Variants in SNTG1 observed in about 807,000 individuals in gnomAD.
The protein encoded by SNTG1 is syntrophin gamma 1.
Under a neutral mutation model 74.7 loss-of-function variants are expected in SNTG1, and 39 were observed. The observed-to-expected ratio is 0.52, with a 90% confidence interval of 0.40 to 0.68. The LOEUF is 0.68. Ranked by LOEUF, SNTG1 falls within the 30% of genes least tolerant of loss-of-function variation. SNTG1 has a pLI of 0.00. For missense variants in SNTG1, 685 were observed against 609.5 expected, an observed-to-expected ratio of 1.12 and a Z score of -1.30; for synonymous variants, 254 against 217.1, an observed-to-expected ratio of 1.17 and a Z score of -1.49.
chr8:49,912,516 T>C (rs982386760), intron 1 of SNTG1, among the ~76,000 whole-genome samples: 6 of 152,246 alleles, frequency 3.9e-5, no homozygotes, highest in African/African-American at 1.4e-4. Flanking sequence ...CCAAAACTAA[T>C]GCAATCGTTT....
chr8:50,678,163 CTA>C (rs1183933480), intron 15 of SNTG1, among the ~76,000 whole-genome samples: 2 of 151,002 alleles, frequency 1.3e-5, no homozygotes, highest in African/African-American at 4.9e-5. Context: ...GCTATTTGTG[CTA>C]TTTTTTTTTT....
chr8:50,169,032 C>T (rs62516682), intron 1 of SNTG1, among the ~76,000 whole-genome samples: 46,075 of 152,012 alleles, frequency 0.3, 7,109 homozygotes, highest in South Asian at 0.43. Flanking sequence ...TTAAATAATA[C>T]GCCAGGCAGA....
chr8:50,759,218 C>T lies in SNTG1; in HGVS notation c.1395+7107C>T, dbSNP rs561870282. Among the ~76,000 whole-genome samples the T allele has an allele frequency of 1.1e-4, 16 of 152,060 alleles. No individual in the cohort carries two copies. The East Asian group carries it at 1.9e-3, about 18-fold the overall frequency. On this transcript the variant is annotated intron_variant, in intron 18 of 18. Coordinates refer to ENST00000642720, the MANE Select transcript of SNTG1 (RefSeq NM_018967.5). ...TAGATTCTGGATATTAGTCCCTTGTCGGATGGATAGATTGCAAAAATTTTC... is the reference window on the plus strand; with the variant it reads ...TAGATTCTGGATATTAGTCCCTTGTTGGATGGATAGATTGCAAAAATTTTC...
At chr8:50,100,568 G>T (rs955074164) in intron 1 of SNTG1, among the ~76,000 whole-genome samples, 8 of 151,786 alleles carry the variant, frequency 5.3e-5, no homozygotes, top group Non-Finnish European at 1.0e-4. Context: ...AATTAAAAAA[G>T]GACATATTCC....
chr8:50,781,677 T>A (rs576276323), intron 18 of SNTG1, among the ~76,000 whole-genome samples: 4 of 152,334 alleles, frequency 2.6e-5, no homozygotes, highest in Admixed American at 1.3e-4. Flanking sequence ...GTCTGTGTCT[T>A]TTAATTGGAG....
At chr8:49,924,223 A>G (rs1806815290) in intron 1 of SNTG1, among the ~76,000 whole-genome samples, 1 of 152,226 alleles carries the variant, frequency 6.6e-6, no homozygotes, top group South Asian at 2.1e-4. Context: ...ATCTGAAAAT[A>G]CAGTATTTCA....
intron 12 of SNTG1, among the ~76,000 whole-genome samples, chr8:50,572,479 G>A (rs898049619): frequency 6.6e-6 from 1 of 152,042 alleles, no homozygotes; most frequent in Non-Finnish European, 1.5e-5. Flanking sequence ...CTTGTTATAG[G>A]AAAATAAAGT....
intron 1 of SNTG1, among the ~76,000 whole-genome samples, chr8:49,961,481 C>G (rs1431923122): frequency 6.6e-6 from 1 of 152,136 alleles, no homozygotes; most frequent in Non-Finnish European, 1.5e-5. Context: ...GCATCCTGAC[C>G]CACATTCTTC....
upstream of SNTG1, chr8:49,911,159 T>C (rs1805558793): frequency 6.6e-6 from 1 of 152,214 alleles, no homozygotes; most frequent in Non-Finnish European, 1.5e-5. Context: ...CTTCACTGGG[T>C]TTAATTTAGG....
chr8:50,730,705 G>A (rs1279498278), intron 17 of SNTG1, among the ~76,000 whole-genome samples: 1 of 152,096 alleles, frequency 6.6e-6, no homozygotes, highest in African/African-American at 2.4e-5. Flanking sequence ...AATTTTTAAT[G>A]AATACAGAAA....
At chr8:50,258,863 G>T (rs1038158540) in intron 2 of SNTG1, among the ~76,000 whole-genome samples, 9 of 151,920 alleles carry the variant, frequency 5.9e-5, no homozygotes, top group African/African-American at 2.2e-4. Context: ...AGAGGACAAA[G>T]AAAAAGGAGC....
At chr8:50,076,424 T>C (rs988353335) in intron 1 of SNTG1, among the ~76,000 whole-genome samples, 1 of 152,184 alleles carries the variant, frequency 6.6e-6, no homozygotes, top group Non-Finnish European at 1.5e-5. Context: ...ATGCAATGAA[T>C]TGGTCCAGAA....
chr8:50,307,908 G>C (rs958109438), intron 2 of SNTG1, among the ~76,000 whole-genome samples: 5 of 152,014 alleles, frequency 3.3e-5, no homozygotes, highest in African/African-American at 1.2e-4. Context: ...TGTTTTAAAA[G>C]GCACTGTCCC....
intron 17 of SNTG1, among the ~76,000 whole-genome samples, chr8:50,739,679 T>TA (rs200775615): frequency 0.023 from 3,486 of 151,758 alleles, 57 homozygotes; most frequent in Middle Eastern, 0.058. Flanking sequence ...TAAAGTATAA[T>TA]AAAAAAATAA....
At chr8:50,623,731 T>A (rs2094938390) in intron 13 of SNTG1, among the ~76,000 whole-genome samples, 1 of 152,036 alleles carries the variant, frequency 6.6e-6, no homozygotes, top group South Asian at 2.1e-4. Flanking sequence ...GTTTTTATTA[T>A]GAAAAGTTGA....
chr8:49,931,312 T>A (rs1807568302), intron 1 of SNTG1, among the ~76,000 whole-genome samples: 1 of 152,182 alleles, frequency 6.6e-6, no homozygotes, highest in Non-Finnish European at 1.5e-5. Flanking sequence ...GACTGTACCC[T>A]GAAGAAACCC....
At chr8:49,978,532 T>A (rs993711301) in intron 1 of SNTG1, among the ~76,000 whole-genome samples, 4 of 152,170 alleles carry the variant, frequency 2.6e-5, no homozygotes, top group Non-Finnish European at 5.9e-5. Context: ...GGCTCTGAAG[T>A]GTCTTTGTAC....
At chr8:49,941,677 C>G (rs1215717341) in intron 1 of SNTG1, among the ~76,000 whole-genome samples, 3 of 151,990 alleles carry the variant, frequency 2.0e-5, no homozygotes, top group Non-Finnish European at 4.4e-5. Flanking sequence ...TGAAGTCTGG[C>G]TGATGTTCCA....
intron 1 of SNTG1, among the ~76,000 whole-genome samples, chr8:49,966,364 A>G (rs913841073): frequency 4.6e-5 from 7 of 151,856 alleles, no homozygotes; most frequent in African/African-American, 1.7e-4. Flanking sequence ...AAAAAAGTCT[A>G]TAGCTTATTC....
Sources: gnomAD v4.1 joint callset for allele counts (sites outside exome capture counted in the v4.1 genomes callset) on GRCh38, gnomAD v4.1.1 for gene constraint, MANE v1.5 for transcripts, NCBI Gene and HGNC (gene_info 2026-07-23, HGNC 2026-07-21) for gene names.